MBOAT2: variants seen among roughly 807,000 people sequenced by gnomAD.
The protein encoded by MBOAT2 is membrane-bound glycerophospholipid O-acyltransferase 2.
In MBOAT2, 28 loss-of-function variants were observed where a neutral mutation model predicts 63.4. The observed-to-expected ratio is 0.44, with a 90% CI of 0.33 to 0.61. MBOAT2 has a LOEUF of 0.61. Ranked by LOEUF, MBOAT2 falls within the 20% of genes least tolerant of loss-of-function variation. The pLI is 0.03. For synonymous variants in MBOAT2, 211 were observed against 215.6 expected, an observed-to-expected ratio of 0.98 and a Z score of 0.19; for missense variants, 470 against 605.8, an observed-to-expected ratio of 0.78 and a Z score of 2.35.
chr2:8,982,451 T>A (rs1459303345), intron 1 of MBOAT2, among the ~76,000 whole-genome samples: 1 of 152,202 alleles, frequency 6.6e-6, no homozygotes, highest in African/African-American at 2.4e-5. Flanking sequence ...GTCCAATATA[T>A]ACTTTGGTCA....
intron 4 of MBOAT2, among the ~76,000 whole-genome samples, chr2:8,890,486 G>C (rs932613676): frequency 6.6e-6 from 1 of 152,188 alleles, no homozygotes; most frequent in Non-Finnish European, 1.5e-5. Flanking sequence ...TCTCCAGCAT[G>C]TAGCACAGTG....
At chr2:8,985,133 AT>A (rs1372170554) in intron 1 of MBOAT2, among the ~76,000 whole-genome samples, 1 of 152,224 alleles carries the variant, frequency 6.6e-6, no homozygotes, top group African/African-American at 2.4e-5. Flanking sequence ...GCTTTAAGAT[AT>A]GCAAATCAAA....
At chr2:8,882,007 G>A (rs946718456) in intron 6 of MBOAT2, among the ~76,000 whole-genome samples, 4 of 152,182 alleles carry the variant, frequency 2.6e-5, no homozygotes, top group African/African-American at 4.8e-5. Context: ...TTTAATAAAT[G>A]AAGTAGAAGC....
chr2:8,968,134 G>A (rs1023712682), intron 1 of MBOAT2, among the ~76,000 whole-genome samples: 1 of 151,668 alleles, frequency 6.6e-6, no homozygotes, highest in African/African-American at 2.4e-5. Context: ...CCCCCCAGTA[G>A]GGGCAGACTG....
intron 1 of MBOAT2, among the ~76,000 whole-genome samples, chr2:8,966,726 A>AG (rs1670021584): frequency 2.0e-5 from 3 of 152,210 alleles, no homozygotes; most frequent in Admixed American, 6.5e-5. Flanking sequence ...TCACAATACC[A>AG]AATGCAGACT....
At chr2:8,870,049 C>G (rs1208301034) in intron 8 of MBOAT2, among the ~76,000 whole-genome samples, 1 of 152,164 alleles carries the variant, frequency 6.6e-6, no homozygotes, top group East Asian at 1.9e-4. Flanking sequence ...CAGACCCTGC[C>G]TAATCTTTAC....
At chr2:8,929,076 T>C (rs1162645351) in intron 3 of MBOAT2, among the ~76,000 whole-genome samples, 1 of 152,112 alleles carries the variant, frequency 6.6e-6, no homozygotes, top group Non-Finnish European at 1.5e-5. Context: ...ATTTTCTACT[T>C]ATGTCAGCAG....
chr2:8,879,214 T>C (rs549353890), intron 6 of MBOAT2, among the ~76,000 whole-genome samples: 6 of 152,200 alleles, frequency 3.9e-5, no homozygotes, highest in African/African-American at 1.4e-4. Context: ...GCTTTCTCAC[T>C]GTATCAAAGA....
At chr2:8,946,855 G>A (rs1053111487) in intron 2 of MBOAT2, among the ~76,000 whole-genome samples, 13 of 152,132 alleles carry the variant, frequency 8.5e-5, no homozygotes, top group Admixed American at 6.5e-4. Context: ...CCATTCCGGA[G>A]AGACAACAAT....
intron 4 of MBOAT2, among the ~76,000 whole-genome samples, chr2:8,901,987 G>C (rs1471433200): frequency 2.0e-5 from 3 of 152,228 alleles, no homozygotes; most frequent in African/African-American, 7.2e-5. Context: ...ACATGACTTT[G>C]AGAGTTCCGC....
intron 6 of MBOAT2, among the ~76,000 whole-genome samples, chr2:8,879,408 C>G (rs1213758376): frequency 6.6e-6 from 1 of 152,208 alleles, no homozygotes; most frequent in Non-Finnish European, 1.5e-5. Context: ...ACTGTCATAT[C>G]AAACAACAAG....
At chr2:8,888,928 A>T (rs1663772196) in intron 4 of MBOAT2, among the ~76,000 whole-genome samples, 1 of 152,246 alleles carries the variant, frequency 6.6e-6, no homozygotes, top group Admixed American at 6.5e-5. Context: ...CCTTTATTAC[A>T]TTAGCTTACA....
At chr2:8,934,590 TCA>T (rs982912125) in intron 3 of MBOAT2, among the ~76,000 whole-genome samples, 5 of 152,240 alleles carry the variant, frequency 3.3e-5, no homozygotes, top group Non-Finnish European at 7.3e-5. Context: ...TTAGAATTAC[TCA>T]CAGTTTCCCA....
rs1660926320 is a variant in MBOAT2, at chr2:8,854,035, A to G, written c.*4644T>C. 2.0e-5 allele frequency: 3 copies of G among 152,254 alleles called. No homozygotes were observed. Among genetic ancestry groups the G allele is most frequent in the Admixed American group, 2.0e-4 (3 of 15,292 alleles). The allele number at this position is 152,254 out of a possible 1,614,324, so 9.4% of individuals were successfully genotyped here. On this transcript the variant is annotated 3_prime_UTR_variant, in exon 13 of 13. Coordinates refer to ENST00000305997, the MANE Select transcript of MBOAT2 (RefSeq NM_138799.4). ...CCTCTGTACAAGAAAAGCCTCAAAA[A>G]GCAGCTTAAGCATTGATTATAAGAG...
intron 11 of MBOAT2, among the ~76,000 whole-genome samples, chr2:8,861,293 G>A (rs1213096599): frequency 6.6e-6 from 1 of 152,204 alleles, no homozygotes; most frequent in South Asian, 2.1e-4. Context: ...TCTAATGGAA[G>A]CAGAGAATTC....
chr2:8,917,180 A>G (rs1666244715), intron 3 of MBOAT2, among the ~76,000 whole-genome samples: 2 of 152,236 alleles, frequency 1.3e-5, no homozygotes, highest in South Asian at 4.1e-4. Context: ...AACTTCTAGG[A>G]GAAATTATTC....
In MBOAT2 at chr2:8,855,439, T is replaced by A. The variant is rs907575105; in HGVS notation, c.*3240A>T. 2 of 152,190 alleles carry A rather than the reference T, an allele frequency of 1.3e-5. No homozygotes were observed. The highest frequency in any genetic ancestry group is 2.9e-5 in the Non-Finnish European group (2 of 68,038). The allele number at this position is 152,190 out of a possible 1,614,324, so 9.4% of individuals were successfully genotyped here. On this transcript the variant is annotated 3_prime_UTR_variant, in exon 13 of 13. Transcript: ENST00000305997. ...GAGTTACTGTCACTTTCTAGAAACC[T>A]CCTTTTTACTGCACATTTTTCTCAA...
chr2:8,918,066 G>C (rs142149236), intron 3 of MBOAT2, among the ~76,000 whole-genome samples: 3 of 152,312 alleles, frequency 2.0e-5, no homozygotes, highest in Non-Finnish European at 2.9e-5. Context: ...GCAGGAGACA[G>C]GATGGACTGA....
chr2:8,995,499 C>T (rs1278642280), intron 1 of MBOAT2, among the ~76,000 whole-genome samples: 3 of 151,996 alleles, frequency 2.0e-5, no homozygotes, highest in African/African-American at 4.8e-5. Context: ...TCCCTTGTGA[C>T]TATATTGTCA....
Sources: allele counts gnomAD v4.1 joint callset (sites outside exome capture counted in the v4.1 genomes callset), GRCh38; gene constraint gnomAD v4.1.1; transcripts MANE v1.5; gene names NCBI Gene and HGNC (gene_info 2026-07-23, HGNC 2026-07-21).